The following CD36 variants were observed in gnomAD, a reference collection of about 807,000 sequenced individuals.
CD36 encodes the protein platelet glycoprotein 4.
CD36 carries 119 observed loss-of-function variants against 55.2 expected under a neutral mutation model. That is an observed-to-expected ratio of 2.15 (90% CI 1.86 to 2.51). The LOEUF (loss-of-function observed/expected upper bound fraction) is 2.51. Among genes scored for constraint, CD36 ranks in the 30% most tolerant of loss-of-function variants. The pLI is 0.00. For missense variants in CD36, 819 were observed against 555.5 expected (o/e 1.47, Z -4.77); for synonymous variants, 186 against 193.6 (o/e 0.96, Z 0.33).
At chr7:80,647,501 A>C (rs1795260349) in intron 3 of CD36, among the ~76,000 whole-genome samples, 1 of 152,278 alleles carries the variant, frequency 6.6e-6, no homozygotes, top group East Asian at 1.9e-4. Flanking sequence ...GTGTGAAAAA[A>C]CAGAATGATT....
chr7:80,615,877 T>C (rs1793122588), intron 1 of CD36, among the ~76,000 whole-genome samples: 1 of 152,180 alleles, frequency 6.6e-6, no homozygotes. Context: ...TTCAGATTGG[T>C]TAATTTTATA....
rs1372364589 is a variant in CD36, at chr7:80,676,669, T to C, written c.*286T>C. ...TCTATGAATACCTTCATACAGCAGG[T>C]ATAACTCTTTTCTTTATGGGCTTAA... is the stretch of plus-strand genomic sequence containing the variant. On this transcript the variant is annotated 3_prime_UTR_variant, in exon 15 of 15. Transcript: ENST00000447544. The C allele has an allele frequency of 6.6e-6, 1 of 152,190 alleles. No individual in the cohort carries two copies. The highest frequency in any genetic ancestry group is 2.4e-5 in the African/African-American group (1 of 41,444). 9.4% of individuals were successfully genotyped at this position (152,190 alleles called of 1,614,324 possible). A position where few individuals can be genotyped will look rare whatever the true frequency, so the allele number is the denominator to read the frequency against.
chr7:80,604,808 T>C (rs1380126559), intron 1 of CD36, among the ~76,000 whole-genome samples: 1 of 152,106 alleles, frequency 6.6e-6, no homozygotes, highest in Non-Finnish European at 1.5e-5. Flanking sequence ...TTAAGTCTTA[T>C]AAATATTACT....
At chr7:80,612,534 C>T (rs1562769594) in intron 1 of CD36, among the ~76,000 whole-genome samples, 1 of 152,120 alleles carries the variant, frequency 6.6e-6, no homozygotes, top group Non-Finnish European at 1.5e-5. Context: ...TTGTAGAATC[C>T]TGCAGTTGGG....
intron 1 of CD36, among the ~76,000 whole-genome samples, chr7:80,640,762 G>A (rs976906876): frequency 6.6e-6 from 1 of 152,028 alleles, no homozygotes; most frequent in Non-Finnish European, 1.5e-5. Flanking sequence ...TAAAAGACGG[G>A]ACTTGTTTCT....
chr7:80,667,445 A>G (rs1797200157), intron 8 of CD36, among the ~76,000 whole-genome samples: 1 of 151,452 alleles, frequency 6.6e-6, no homozygotes, highest in Non-Finnish European at 1.5e-5. Flanking sequence ...AAAAAAAAAA[A>G]AAAAAAGTGG....
intron 1 of CD36, among the ~76,000 whole-genome samples, chr7:80,620,459 C>T (rs972352261): frequency 1.3e-5 from 2 of 152,102 alleles, no homozygotes; most frequent in Non-Finnish European, 2.9e-5. Context: ...ATAAAGGATA[C>T]AAATGAAGAG....
chr7:80,609,455 TC>T (rs528439407), intron 1 of CD36, among the ~76,000 whole-genome samples: 50 of 152,240 alleles, frequency 3.3e-4, no homozygotes, highest in African/African-American at 8.4e-4. Flanking sequence ...CATTCACTCT[TC>T]CTACCTGAGT....
At chr7:80,641,498 T>C (rs1288582444) in intron 1 of CD36, among the ~76,000 whole-genome samples, 2 of 152,026 alleles carry the variant, frequency 1.3e-5, no homozygotes, top group South Asian at 4.1e-4. Context: ...ATCAAGAGAA[T>C]GGAAAACAAG....
At chr7:80,674,214 CAA>C (rs1798041681) in intron 14 of CD36, 67 bp downstream of exon 14, 5 of 1,162,474 alleles carry the variant, frequency 4.3e-6, no homozygotes, top group Admixed American at 1.9e-5. Flanking sequence ...TTCACTTTAT[CAA>C]AGAGAAGTTA....
At chr7:80,667,429 CAAA>C (rs564416939) in intron 8 of CD36, among the ~76,000 whole-genome samples, 9 of 82,412 alleles carry the variant, frequency 1.1e-4, no homozygotes, top group African/African-American at 4.2e-4. Context: ...GACCCTGTCT[CAAA>C]AAAAAAAAAA....
At chr7:80,672,876 A>T (rs369844297) in intron 12 of CD36, 33 bp downstream of exon 12, 457 of 1,347,926 alleles carry the variant, frequency 3.4e-4, no homozygotes, top group Middle Eastern at 6.0e-4. Context: ...TTTTGATATG[A>T]TCTGTAGTAT....
chr7:80,628,912 T>C (rs1390824067), intron 1 of CD36, among the ~76,000 whole-genome samples: 2 of 152,036 alleles, frequency 1.3e-5, no homozygotes, highest in African/African-American at 4.8e-5. Context: ...ATGGTTGCAC[T>C]CTTTTGAGTT....
chr7:80,675,261 C>T (rs896704585), intron 14 of CD36, among the ~76,000 whole-genome samples: 17 of 151,954 alleles, frequency 1.1e-4, no homozygotes, highest in Non-Finnish European at 2.4e-4. Flanking sequence ...TGTCAGTAGC[C>T]TACTGACAAA....
rs754379408 is a variant in CD36, at chr7:80,672,041, G to A, written c.1125+1G>A. Reference sequence around the variant, plus strand: ...TAGGACATACTTGGATATTGAACCTGTAAGAAAACACCTTATTGATCTGAT... The same window carrying A: ...TAGGACATACTTGGATATTGAACCTATAAGAAAACACCTTATTGATCTGAT... On this transcript the variant is annotated splice_donor_variant, in intron 11 of 14. Coordinates refer to ENST00000447544, the MANE Select transcript of CD36 (RefSeq NM_001001548.3). LOFTEE classifies it high-confidence loss of function. 15 of 1,601,458 alleles carry A rather than the reference G, an allele frequency of 9.4e-6. No individual in the cohort carries two copies. The highest frequency in any genetic ancestry group is 1.3e-5 in the African/African-American group (1 of 74,544).
chr7:80,668,307 T>C (rs1010916479), intron 8 of CD36, among the ~76,000 whole-genome samples: 3 of 152,064 alleles, frequency 2.0e-5, no homozygotes, highest in African/African-American at 7.2e-5. Context: ...TAAAAATATC[T>C]ATGGGGAAAA....
At chr7:80,627,444 C>T (rs1793804199) in intron 1 of CD36, among the ~76,000 whole-genome samples, 2 of 151,746 alleles carry the variant, frequency 1.3e-5, no homozygotes, top group African/African-American at 4.8e-5. Context: ...CATATTGACC[C>T]CCTCCCTTAA....
intron 1 of CD36, among the ~76,000 whole-genome samples, chr7:80,605,467 C>CT (rs1792492977): frequency 6.6e-6 from 1 of 151,294 alleles, no homozygotes; most frequent in Admixed American, 6.6e-5. Flanking sequence ...CAACAGCTCC[C>CT]TTAAAGTGTT....
intron 8 of CD36, among the ~76,000 whole-genome samples, chr7:80,669,460 A>T (rs1178720167): frequency 6.6e-6 from 1 of 152,020 alleles, no homozygotes; most frequent in Admixed American, 6.6e-5. Context: ...AAAGTTTTCC[A>T]CTTGTCGCCC....
Sources: gnomAD v4.1 joint callset for allele counts (sites outside exome capture counted in the v4.1 genomes callset) on GRCh38, gnomAD v4.1.1 for gene constraint, MANE v1.5 for transcripts, NCBI Gene and HGNC (gene_info 2026-07-23, HGNC 2026-07-21) for gene names.